STAG2: variants seen among roughly 807,000 people sequenced by gnomAD.
STAG2 encodes STAG2 cohesin complex component, also known as cohesin subunit SA-2.
STAG2 carries 14 observed loss-of-function variants against 108.1 expected under a neutral mutation model. The ratio of observed to expected loss-of-function variants is 0.13; its 90% CI spans 0.09 to 0.20. The LOEUF is 0.20. Among genes scored for constraint, STAG2 ranks in the 10% least tolerant of loss-of-function variants. The pLI is 1.00. For synonymous variants in STAG2, 307 were observed against 302.7 expected, an observed-to-expected ratio of 1.01 and a Z score of -0.15; for missense variants, 440 against 940.9, an observed-to-expected ratio of 0.47 and a Z score of 6.96.
At chrX:124,065,221 G>GATTAATTAAA (rs1249831516) in intron 20 of STAG2, among the ~76,000 whole-genome samples, 7 of 111,967 alleles carry the variant, frequency 6.3e-5, no homozygotes, top group Non-Finnish European at 1.1e-4. Context: ...TCAAGCAATG[G>GATTAATTAAA]TTTAATTAAA....
rs146561651 is a variant in STAG2 at position 124,086,671 on chromosome X, A to G, written c.3178A>G (p.Ile1060Val). The G allele has an allele frequency of 2.7e-5, 33 of 1,210,063 alleles. No homozygotes were observed. In the African/African-American group the frequency reaches 4.2e-4, roughly 15 times the overall value. ...AGGDDDTMSV[I>V]SGISSRGSTV... ...TGGTGATGATGACACCATGTCAGTC[A>G]TTAGTGGAATCAGCAGCCGGGGGTC... The change falls in exon 30 of 35, where the codon ATT (isoleucine) becomes GTT (valine). Residue 1060 changes from isoleucine (I) to valine (V), a missense_variant. Coordinates refer to ENST00000371145, the MANE Select transcript of STAG2 (RefSeq NM_001042750.2).
intron 1 of STAG2, among the ~76,000 whole-genome samples, chrX:124,011,461 A>G (rs1431546645): frequency 9.0e-6 from 1 of 111,673 alleles, no homozygotes; most frequent in Admixed American, 9.5e-5. Context: ...CTTGTTCTGT[A>G]TGTTAGAGTA....
chrX:124,004,028 T>C (rs147164890), intron 1 of STAG2, among the ~76,000 whole-genome samples: 201 of 112,361 alleles, frequency 1.8e-3, no homozygotes, highest in African/African-American at 6.2e-3. Flanking sequence ...CATTTTTAAG[T>C]GTACAGTTCA....
At chrX:124,051,847 C>A (rs1432015156) in intron 13 of STAG2, among the ~76,000 whole-genome samples, 1 of 112,144 alleles carries the variant, frequency 8.9e-6, no homozygotes, top group Admixed American at 9.4e-5. Flanking sequence ...GCCTTGGCCT[C>A]CCAAGGTGCT....
chrX:123,976,481 ATATT>A (rs1311601166), intron 1 of STAG2, among the ~76,000 whole-genome samples: 2 of 111,044 alleles, frequency 1.8e-5, no homozygotes. Context: ...TGTGCAGTAT[ATATT>A]ATACAGGTTC....
intron 1 of STAG2, among the ~76,000 whole-genome samples, chrX:123,974,402 T>C (rs191041000): frequency 1.9e-5 from 2 of 106,946 alleles, no homozygotes; most frequent in Non-Finnish European, 3.9e-5. Flanking sequence ...CTGGCTAATT[T>C]TTGTATAGAG....
At chrX:123,964,432 A>C in intron 1 of STAG2, among the ~76,000 whole-genome samples, 1 of 111,816 alleles carries the variant, frequency 8.9e-6, no homozygotes, top group East Asian at 2.8e-4. Flanking sequence ...CTTAGTGTCT[A>C]TTTCATCAAG....
intron 3 of STAG2, 61 bp downstream of exon 3, chrX:124,022,732 C>A: frequency 1.3e-6 from 1 of 774,217 alleles, no homozygotes; most frequent in Non-Finnish European, 1.8e-6. Context: ...ATGGGGAATG[C>A]ATTAACTTCA....
At chrX:124,021,543 A>G (rs1400763017) in intron 2 of STAG2, 112 bp downstream of exon 2, 2 of 112,251 alleles carry the variant, frequency 1.8e-5, no homozygotes, top group Non-Finnish European at 3.8e-5. Context: ...CTTTCAAAAC[A>G]TAGACATAAT....
At chrX:124,052,745 T>A (rs750906520) in intron 13 of STAG2, among the ~76,000 whole-genome samples, 1 of 111,151 alleles carries the variant, frequency 9.0e-6, no homozygotes, top group East Asian at 2.8e-4. Flanking sequence ...TTTGAGGAAC[T>A]GCCATAATGC....
At chrX:124,058,391 C>T (rs758988950) in intron 15 of STAG2, among the ~76,000 whole-genome samples, 3 of 112,038 alleles carry the variant, frequency 2.7e-5, no homozygotes, top group African/African-American at 9.7e-5. Context: ...CTCAGGTGAT[C>T]CGCCTGCCTT....
chrX:123,982,176 TAAA>T (rs768977083), intron 1 of STAG2, among the ~76,000 whole-genome samples: 1 of 55,202 alleles, frequency 1.8e-5, no homozygotes, highest in Admixed American at 2.2e-4. Flanking sequence ...CTGTCTCTAC[TAAA>T]AAAAAAAAAA....
intron 13 of STAG2, 38 bp downstream of exon 13, chrX:124,051,432 A>G: frequency 1.9e-6 from 2 of 1,041,685 alleles, no homozygotes; most frequent in Non-Finnish European, 2.6e-6. Flanking sequence ...ACTAATGTTC[A>G]GATATCTAAA....
intron 1 of STAG2, among the ~76,000 whole-genome samples, chrX:124,015,137 A>G (rs781360817): frequency 1.5e-4 from 16 of 104,194 alleles, no homozygotes; most frequent in Non-Finnish European, 2.3e-4. Context: ...CAGACCCCCA[A>G]CCACCAAGTC....
intron 25 of STAG2, among the ~76,000 whole-genome samples, chrX:124,073,218 G>A (rs768472384): frequency 7.2e-5 from 8 of 111,467 alleles, no homozygotes; most frequent in South Asian, 3.7e-4. Context: ...CTTCTAAAAC[G>A]TCTATGAGAA....
intron 25 of STAG2, among the ~76,000 whole-genome samples, chrX:124,073,927 A>G (rs961605287): frequency 3.6e-4 from 40 of 111,840 alleles, no homozygotes; most frequent in African/African-American, 1.3e-3. Flanking sequence ...TTCCCTAGAG[A>G]TAACTGCTAC....
In STAG2 at chrX:123,989,369, A is replaced by C. The variant is rs1023125949; in HGVS notation, c.-163+27513A>C. On this transcript the variant is annotated intron_variant, in intron 1 of 34. Transcript: ENST00000371145. ...CCTAGAAATTTCCTAATCATAAACG[A>C]ATTGAATTATATGTATTGCATTGTA... Among the ~76,000 whole-genome samples the C allele has an allele frequency of 1.1e-4, 12 of 111,335 alleles. No homozygotes were observed. The East Asian group carries it at 1.4e-3, about 13-fold the overall frequency.
At chrX:124,048,351 T>C (rs973039006) in intron 9 of STAG2, among the ~76,000 whole-genome samples, 7 of 112,429 alleles carry the variant, frequency 6.2e-5, no homozygotes, top group Non-Finnish European at 1.1e-4. Context: ...TAATTTGAAA[T>C]AAAGTGTTGA....
At position 124,076,450 on chromosome X, in the gene STAG2, T is replaced by G; in HGVS notation, c.2652T>G (p.Asp884Glu). Reference sequence around the variant, plus strand: ...TGGTGGAGATGAATACAGCTGCAGATATCTTCAAACAGTATATGAAGGTAA... The same window carrying G: ...TGGTGGAGATGAATACAGCTGCAGAGATCTTCAAACAGTATATGAAGGTAA... ...YTVVEMNTAA[D>E]IFKQYMKYYN... Residue 884 changes from aspartate to glutamate, a missense_variant, in exon 26 of 35, where the codon GAT (aspartate) becomes GAG (glutamate). By Grantham distance (45) the Asp-to-Glu change is conservative. Coordinates refer to ENST00000371145, the MANE Select transcript of STAG2 (RefSeq NM_001042750.2). The G allele has an allele frequency of 8.4e-7, 1 of 1,189,730 alleles. No homozygotes were observed. The highest frequency in any genetic ancestry group is 1.1e-6 in the Non-Finnish European group (1 of 885,619).
Sources: gnomAD v4.1 joint callset for allele counts (sites outside exome capture counted in the v4.1 genomes callset) on GRCh38, gnomAD v4.1.1 for gene constraint, MANE v1.5 for transcripts, NCBI Gene and HGNC (gene_info 2026-07-23, HGNC 2026-07-21) for gene names.